The following RIMS1 variants were observed in gnomAD, a reference collection of about 807,000 sequenced individuals.
RIMS1 encodes regulating synaptic membrane exocytosis 1.
A neutral mutation model predicts 214.1 loss-of-function variants in RIMS1; 83 were observed. That is an observed-to-expected ratio of 0.39 (90% CI 0.32 to 0.47). RIMS1 has a LOEUF of 0.47. Ranked by LOEUF, RIMS1 falls within the 20% of genes least tolerant of loss-of-function variation. The pLI is 0.99. For synonymous variants in RIMS1, 793 were observed against 786.8 expected, an observed-to-expected ratio of 1.01 and a Z score of -0.13; for missense variants, 2,050 against 2,161.8, an observed-to-expected ratio of 0.95 and a Z score of 1.03.
chr6:72,231,335 A>T (rs1157531156), intron 6 of RIMS1, among the ~76,000 whole-genome samples: 1 of 151,650 alleles, frequency 6.6e-6, no homozygotes, highest in Non-Finnish European at 1.5e-5. Flanking sequence ...TTAATGGGTA[A>T]TGATGAAATT....
intron 2 of RIMS1, among the ~76,000 whole-genome samples, chr6:72,005,166 A>G (rs1269748843): frequency 6.6e-6 from 1 of 152,198 alleles, no homozygotes; most frequent in Admixed American, 6.5e-5. Context: ...GCTGTGTCAA[A>G]GATCAGATAG....
chr6:71,936,839 A>G (rs1417621869), intron 1 of RIMS1, among the ~76,000 whole-genome samples: 1 of 152,212 alleles, frequency 6.6e-6, no homozygotes, highest in Non-Finnish European at 1.5e-5. Flanking sequence ...TGTACAGTAG[A>G]ATTAGAAGTC....
Position 72,185,312 on chromosome 6 carries a change from A to G in RIMS1, c.1678+2163A>G, listed in dbSNP as rs2048943805. On this transcript the variant is annotated intron_variant, in intron 6 of 33. Transcript: ENST00000521978. ...GCCATCGTTGTTATAGAAAAAAAACATGAAAGCCATCAGACCCAAAACAAT... is the reference window on the plus strand; with the variant it reads ...GCCATCGTTGTTATAGAAAAAAAACGTGAAAGCCATCAGACCCAAAACAAT... Among the ~76,000 whole-genome samples the G allele has an allele frequency of 2.6e-5, 4 of 152,010 alleles. No individual in the cohort carries two copies. The South Asian group carries it at 8.3e-4, about 32-fold the overall frequency.
intron 2 of RIMS1, among the ~76,000 whole-genome samples, chr6:72,061,735 G>C (rs920303701): frequency 6.6e-6 from 1 of 152,222 alleles, no homozygotes; most frequent in African/African-American, 2.4e-5. Flanking sequence ...GCCAAAGGTG[G>C]TCAATGTATT....
chr6:72,212,038 A>C (rs979000503), intron 6 of RIMS1, among the ~76,000 whole-genome samples: 1 of 152,164 alleles, frequency 6.6e-6, no homozygotes, highest in African/African-American at 2.4e-5. Context: ...TATGAAATAT[A>C]GGCAAATGCA....
At chr6:72,193,674 A>T (rs1221617820) in intron 6 of RIMS1, among the ~76,000 whole-genome samples, 1 of 152,198 alleles carries the variant, frequency 6.6e-6, no homozygotes, top group African/African-American at 2.4e-5. Context: ...CCATTTTCTT[A>T]TTAGCACAAC....
At chr6:72,024,903 T>TTTC (rs1269840334) in intron 2 of RIMS1, among the ~76,000 whole-genome samples, 2 of 139,168 alleles carry the variant, frequency 1.4e-5, no homozygotes, top group African/African-American at 5.3e-5. Context: ...TCTGTGGGTT[T>TTTC]TTTTTTTTTT....
intron 4 of RIMS1, among the ~76,000 whole-genome samples, chr6:72,133,676 G>T (rs951873880): frequency 1.3e-5 from 2 of 152,116 alleles, no homozygotes; most frequent in Admixed American, 1.3e-4. Flanking sequence ...GACTGTGGAT[G>T]ACACCAAGTT....
intron 16 of RIMS1, 62 bp from the exon 17 acceptor site, chr6:72,258,063 G>T (rs2076598081): frequency 1.4e-6 from 2 of 1,400,616 alleles, no homozygotes; most frequent in Non-Finnish European, 2.0e-6. Context: ...TTATATTCCT[G>T]TGTTAATGTT....
chr6:71,897,761 A>G (rs1242308771), intron 1 of RIMS1, among the ~76,000 whole-genome samples: 2 of 152,168 alleles, frequency 1.3e-5, no homozygotes, highest in Admixed American at 6.6e-5. Context: ...AATCCCTCAT[A>G]TAAGCATATT....
chr6:72,239,567 A>G (rs1167319017), intron 9 of RIMS1, among the ~76,000 whole-genome samples: 1 of 152,214 alleles, frequency 6.6e-6, no homozygotes, highest in Non-Finnish European at 1.5e-5. Flanking sequence ...CTTAGCCTAT[A>G]AAACTACGGT....
chr6:72,206,068 T>C (rs2052852233), intron 6 of RIMS1, among the ~76,000 whole-genome samples: 3 of 152,170 alleles, frequency 2.0e-5, no homozygotes. Context: ...TCTGTGTGTG[T>C]TTTTAAACCC....
chr6:72,088,783 C>T (rs1835370233), intron 2 of RIMS1, among the ~76,000 whole-genome samples: 1 of 151,950 alleles, frequency 6.6e-6, no homozygotes, highest in Non-Finnish European at 1.5e-5. Flanking sequence ...TTTTGAAGAC[C>T]CCTCATATAA....
chr6:72,025,719 G>A (rs550026076), intron 2 of RIMS1, among the ~76,000 whole-genome samples: 9 of 152,232 alleles, frequency 5.9e-5, no homozygotes, highest in Admixed American at 2.0e-4. Context: ...AACTATAATC[G>A]TCTCTTGTAT....
At chr6:72,389,139 G>A (rs2098661948) in intron 29 of RIMS1, among the ~76,000 whole-genome samples, 1 of 152,176 alleles carries the variant, frequency 6.6e-6, no homozygotes, top group South Asian at 2.1e-4. Flanking sequence ...TCCAGCAGAA[G>A]AGACTGGGAA....
chr6:71,996,553 C>G (rs1765374242), intron 2 of RIMS1, among the ~76,000 whole-genome samples: 1 of 152,160 alleles, frequency 6.6e-6, no homozygotes, highest in Non-Finnish European at 1.5e-5. Flanking sequence ...ATTCCTTTCT[C>G]TTTGAACGGA....
chr6:72,276,418 T>C (rs2154197967), intron 23 of RIMS1, among the ~76,000 whole-genome samples: 1 of 152,290 alleles, frequency 6.6e-6, no homozygotes, highest in Non-Finnish European at 1.5e-5. Context: ...ATACTTTCAG[T>C]TCTTACATAC....
At chr6:72,388,077 C>T (rs978186853) in intron 29 of RIMS1, among the ~76,000 whole-genome samples, 10 of 152,162 alleles carry the variant, frequency 6.6e-5, no homozygotes, top group Admixed American at 3.3e-4. Flanking sequence ...GTGAACAATA[C>T]TCACAATGAC....
intron 2 of RIMS1, among the ~76,000 whole-genome samples, chr6:72,076,481 C>T (rs973314877): frequency 4.6e-5 from 7 of 152,198 alleles, no homozygotes; most frequent in Non-Finnish European, 1.0e-4. Context: ...ACCCATATGG[C>T]CTCATCTCCA....
Sources: gnomAD v4.1 joint callset for allele counts (sites outside exome capture counted in the v4.1 genomes callset) on GRCh38, gnomAD v4.1.1 for gene constraint, MANE v1.5 for transcripts, NCBI Gene and HGNC (gene_info 2026-07-23, HGNC 2026-07-21) for gene names.